The following TAB3 variants were observed in gnomAD, a reference collection of about 807,000 sequenced individuals.
TAB3 encodes the protein TGF-beta activated kinase 1 (MAP3K7) binding protein 3.
Under a neutral mutation model 48.1 loss-of-function variants are expected in TAB3, and 18 were observed. That is an observed-to-expected ratio of 0.37 (90% CI 0.26 to 0.55). The LOEUF is 0.55. Among genes scored for constraint, TAB3 ranks in the 20% least tolerant of loss-of-function variants. The probability of loss-of-function intolerance (pLI) is 0.78; values close to 1 mark genes in which losing one functional copy is unlikely to be tolerated. For synonymous variants in TAB3, 185 were observed against 190.2 expected (o/e 0.97, Z 0.22); for missense variants, 414 against 549.8 (o/e 0.75, Z 2.47).
At chrX:30,860,546 C>G (rs758255586) in intron 4 of TAB3, among the ~76,000 whole-genome samples, 9 of 111,678 alleles carry the variant, frequency 8.1e-5, no homozygotes, top group Non-Finnish European at 1.5e-4. Flanking sequence ...TATAGTATTA[C>G]AGTCAGAAAT....
chrX:30,851,628 T>C lies in TAB3; in HGVS notation c.1710+1150A>G, dbSNP rs1938855578. ...AATTTCAGAGAATTCACAGATCCCC[T>C]TTGAAGCCAAGAACCTCAAGTAGAA... On this transcript the variant is annotated intron_variant, in intron 7 of 10. Transcript: ENST00000288422. Among the ~76,000 whole-genome samples the C allele has an allele frequency of 2.7e-5, 3 of 111,965 alleles. No individual in the cohort carries two copies. The South Asian group carries it at 1.1e-3, about 41-fold the overall frequency.
intron 9 of TAB3, among the ~76,000 whole-genome samples, chrX:30,838,679 T>G (rs946876239): frequency 2.7e-5 from 3 of 112,330 alleles, no homozygotes; most frequent in African/African-American, 9.7e-5. Context: ...CTCCATTTAC[T>G]TAGGTCTTCT....
chrX:30,837,796 A>G (rs779315441), intron 9 of TAB3, among the ~76,000 whole-genome samples: 14 of 112,512 alleles, frequency 1.2e-4, no homozygotes, highest in Non-Finnish European at 2.1e-4. Context: ...GAAGCTTTAT[A>G]GTTTAACTTT....
At chrX:30,841,673 G>A (rs1209662211) in intron 9 of TAB3, among the ~76,000 whole-genome samples, 5 of 111,292 alleles carry the variant, frequency 4.5e-5, no homozygotes, top group Non-Finnish European at 9.4e-5. Flanking sequence ...TATACTCTCT[G>A]GTAATTTTTT....
At chrX:30,888,146 AAAGT>A (rs1289634754) in intron 1 of TAB3, among the ~76,000 whole-genome samples, 1 of 112,721 alleles carries the variant, frequency 8.9e-6, no homozygotes, top group Non-Finnish European at 1.9e-5. Context: ...AGCAAAGAAA[AAAGT>A]AAATTCTCTT....
Position 30,854,184 on chromosome X carries a change from C to G in TAB3, c.1481G>C (p.Gly494Ala), listed in dbSNP as rs773235194. 19 of 1,210,443 alleles carry G rather than the reference C, an allele frequency of 1.6e-5. No individual in the cohort carries two copies. The highest frequency in any genetic ancestry group is 1.9e-5 in the Non-Finnish European group (17 of 894,917). ...CTGATATTTATGGCTTCCCTTTTCT[C>G]CCCCAGAGCCTGGTATCACTGAAAT... ...QPISVIPGSG[G>A]EKGSHKYQRS... The change falls in exon 6 of 11, where the codon GGA becomes GCA. Residue 494 changes from glycine to alanine, a missense_variant. Gly to Ala is a moderately conservative substitution (Grantham distance 60). Transcript: ENST00000288422.
At chrX:30,866,486 T>C (rs1348271289) in intron 4 of TAB3, among the ~76,000 whole-genome samples, 1 of 110,273 alleles carries the variant, frequency 9.1e-6, no homozygotes, top group Non-Finnish European at 1.9e-5. Context: ...GCCTGGAGCA[T>C]CTTGTAGTAC....
intron 2 of TAB3, among the ~76,000 whole-genome samples, chrX:30,869,944 G>A (rs1273288354): frequency 8.9e-6 from 1 of 112,542 alleles, no homozygotes; most frequent in Non-Finnish European, 1.9e-5. Context: ...AGGTATGTGC[G>A]TATGTACTAG....
chrX:30,831,550 A>G lies in TAB3; in HGVS notation c.2016T>C (p.Ser672=). 1 of 1,211,319 alleles carries G rather than the reference A, an allele frequency of 8.3e-7. No individual in the cohort carries two copies. The highest frequency in any genetic ancestry group is 1.1e-6 in the Non-Finnish European group (1 of 895,390). ...ADEHRTGSTQ[S]PRTQPRDEDY... is the part of the protein sequence containing the mutation. The stretch of plus-strand genomic sequence containing the variant: ...CTTCATCTCGAGGTTGTGTCCGAGG[A>G]CTTTGTGTGGAGCCAGTTCGATGCT... Residue 672 remains serine, a synonymous_variant, in exon 11 of 11, where the codon AGT becomes AGC. Transcript: ENST00000288422.
intron 1 of TAB3, among the ~76,000 whole-genome samples, chrX:30,878,086 G>A (rs965812166): frequency 8.9e-6 from 1 of 112,212 alleles, no homozygotes; most frequent in African/African-American, 3.2e-5. Context: ...ACAATATAAC[G>A]AACTAAATTT....
At chrX:30,832,348 GCT>G (rs1248242565) in intron 10 of TAB3, among the ~76,000 whole-genome samples, 1 of 111,509 alleles carries the variant, frequency 9.0e-6, no homozygotes, top group Non-Finnish European at 1.9e-5. Context: ...GCTCAAAAAA[GCT>G]CTTTGCATCT....
At chrX:30,851,947 C>T (rs918455963) in intron 7 of TAB3, among the ~76,000 whole-genome samples, 2 of 112,136 alleles carry the variant, frequency 1.8e-5, no homozygotes, top group African/African-American at 6.5e-5. Flanking sequence ...TCTCATTACC[C>T]GTGAACATAT....
chrX:30,854,009 A>G (rs1261503228), intron 6 of TAB3, 107 bp downstream of exon 6: 24 of 942,565 alleles, frequency 2.5e-5, no homozygotes, highest in Non-Finnish European at 3.3e-5. Flanking sequence ...GCTACTGCCC[A>G]ACATTTAATA....
chrX:30,847,977 C>T (rs1054405600), intron 7 of TAB3, among the ~76,000 whole-genome samples: 4 of 112,205 alleles, frequency 3.6e-5, no homozygotes, highest in East Asian at 2.8e-4. Context: ...AAATGCTTTG[C>T]GCCTTGCCTA....
At chrX:30,848,208 C>T (rs759133517) in intron 7 of TAB3, among the ~76,000 whole-genome samples, 2 of 111,595 alleles carry the variant, frequency 1.8e-5, no homozygotes, top group South Asian at 7.5e-4. Context: ...GCAGCCACCA[C>T]ACAGTTGCTC....
intron 9 of TAB3, chrX:30,836,458 T>C (rs771206865): frequency 3.6e-5 from 4 of 111,785 alleles, no homozygotes; most frequent in Non-Finnish European, 7.5e-5. Context: ...TCAATACATA[T>C]TTAAGAAATT....
chrX:30,842,266 G>A (rs1022928581), intron 9 of TAB3, among the ~76,000 whole-genome samples: 1 of 111,543 alleles, frequency 9.0e-6, no homozygotes, highest in African/African-American at 3.3e-5. Flanking sequence ...ATACCTAGTC[G>A]CTACCAATTG....
chrX:30,845,890 A>G lies in TAB3; in HGVS notation c.1804+661T>C. ...TTTGGGGACAGAATCAACTCTTGGTAAGCAGACAATTCAACCGATGGGAGC... is the reference window on the plus strand; with the variant it reads ...TTTGGGGACAGAATCAACTCTTGGTGAGCAGACAATTCAACCGATGGGAGC... On this transcript the variant is annotated intron_variant, in intron 8 of 10. Coordinates refer to ENST00000288422, the MANE Select transcript of TAB3 (RefSeq NM_152787.5). 3 of 774,122 alleles carry G rather than the reference A, an allele frequency of 3.9e-6. No individual in the cohort carries two copies. The South Asian group carries it at 1.2e-4, about 31-fold the overall frequency. 63.8% of individuals were successfully genotyped at this position (774,122 alleles called of 1,213,427 possible).
chrX:30,844,184 T>C (rs918248557), intron 8 of TAB3: 1 of 110,650 alleles, frequency 9.0e-6, no homozygotes, highest in Non-Finnish European at 1.9e-5. Flanking sequence ...TGTGGAAGAG[T>C]AGAATTTAGT....
Sources: allele counts gnomAD v4.1 joint callset (sites outside exome capture counted in the v4.1 genomes callset), GRCh38; gene constraint gnomAD v4.1.1; transcripts MANE v1.5; gene names NCBI Gene and HGNC (gene_info 2026-07-23, HGNC 2026-07-21).